UIMC1: variants seen among roughly 807,000 people sequenced by gnomAD.
UIMC1 encodes BRCA1-A complex subunit RAP80.
A neutral mutation model predicts 84.9 loss-of-function variants in UIMC1; 42 were observed. The ratio of observed to expected loss-of-function variants is 0.49; its 90% confidence interval spans 0.39 to 0.64. The LOEUF is 0.64. Among genes scored for constraint, UIMC1 ranks in the 30% least tolerant of loss-of-function variants. The probability of loss-of-function intolerance (pLI) is 0.00; values close to 1 mark genes in which losing one functional copy is unlikely to be tolerated. For synonymous variants in UIMC1, 281 were observed against 293.0 expected (o/e 0.96, Z 0.42); for missense variants, 825 against 847.6 (o/e 0.97, Z 0.33).
intron 1 of UIMC1, among the ~76,000 whole-genome samples, chr5:177,019,461 C>T (rs1382698963): frequency 6.6e-6 from 1 of 151,284 alleles, no homozygotes; most frequent in African/African-American, 2.4e-5. Flanking sequence ...TATAGGGAAA[C>T]CCTGTCTCTA....
Position 176,913,714 on chromosome 5 carries a change from C to T in UIMC1, c.1598-2325G>A, listed in dbSNP as rs1317304707. Among the ~76,000 whole-genome samples the T allele has an allele frequency of 3.3e-5, 5 of 152,350 alleles. No individual in the cohort carries two copies. The South Asian group carries it at 8.3e-4, about 25-fold the overall frequency. Reference sequence around the variant, plus strand: ...TGTTATCACTGGGTGCAGCGGCTCACGCCTGTAATCCCAACACTTTAGGAG... The same window carrying T: ...TGTTATCACTGGGTGCAGCGGCTCATGCCTGTAATCCCAACACTTTAGGAG... On this transcript the variant is annotated intron_variant, in intron 10 of 14. Coordinates refer to ENST00000511320, the MANE Select transcript of UIMC1 (RefSeq NM_001199298.2).
intron 10 of UIMC1, among the ~76,000 whole-genome samples, chr5:176,923,801 T>C (rs1480045965): frequency 3.4e-4 from 48 of 143,050 alleles, no homozygotes; most frequent in African/African-American, 1.2e-3. Context: ...GAGACAGAGG[T>C]TGCAGTGAGC....
upstream of UIMC1, among the ~76,000 whole-genome samples, chr5:177,009,180 G>A (rs374601118): frequency 7.3e-5 from 11 of 151,458 alleles, no homozygotes; most frequent in East Asian, 1.9e-4. This position sits in a 1 kb window ranked among gnomAD's most constrained non-coding sequence, Gnocchi z 4.3. Context: ...CTATTTTTTC[G>A]TTGTTTTTTT....
chr5:177,003,461 T>C (rs1316973958), intron 1 of UIMC1, among the ~76,000 whole-genome samples: 2 of 152,152 alleles, frequency 1.3e-5, no homozygotes, highest in African/African-American at 2.4e-5. Flanking sequence ...AAGACCAGCC[T>C]GACCAACAGG....
chr5:176,930,026 G>A (rs1288253698), intron 10 of UIMC1, among the ~76,000 whole-genome samples: 2 of 152,184 alleles, frequency 1.3e-5, no homozygotes, highest in African/African-American at 4.8e-5. Context: ...AAACGTAATG[G>A]ATGACAGTGG....
chr5:176,981,436 G>A (rs948198928), intron 2 of UIMC1, among the ~76,000 whole-genome samples: 4 of 152,010 alleles, frequency 2.6e-5, no homozygotes, highest in Non-Finnish European at 5.9e-5. Flanking sequence ...GAGCTGCCGT[G>A]CCCGGCCAAG....
chr5:177,005,929 G>A (rs1775194127), intron 1 of UIMC1, among the ~76,000 whole-genome samples: 1 of 152,224 alleles, frequency 6.6e-6, no homozygotes, highest in Admixed American at 6.5e-5. Context: ...CTGCGGCGCT[G>A]CCTAAGCACC....
intron 10 of UIMC1, among the ~76,000 whole-genome samples, chr5:176,916,137 T>C (rs1323537245): frequency 6.6e-6 from 1 of 152,260 alleles, no homozygotes; most frequent in Non-Finnish European, 1.5e-5. Context: ...GGAGTACTTG[T>C]GGTTTATGAG....
intron 10 of UIMC1, among the ~76,000 whole-genome samples, chr5:176,917,597 AAAC>A (rs1425850493): frequency 6.6e-6 from 1 of 152,176 alleles, no homozygotes; most frequent in African/African-American, 2.4e-5. Flanking sequence ...AAAAACAAAA[AAAC>A]AAATTATCTA....
intron 7 of UIMC1, 121 bp downstream of exon 7, chr5:176,957,972 A>T: frequency 1.3e-6 from 1 of 773,926 alleles, no homozygotes; most frequent in Non-Finnish European, 2.0e-6. Context: ...CCTAGTCTTC[A>T]CTTATAAAAG....
At chr5:177,005,700 G>A (rs1314777492) in intron 1 of UIMC1, among the ~76,000 whole-genome samples, 2 of 151,594 alleles carry the variant, frequency 1.3e-5, no homozygotes, top group African/African-American at 2.4e-5. Context: ...CGACTACAAG[G>A]CACTGCCTCC....
intron 3 of UIMC1, among the ~76,000 whole-genome samples, chr5:176,972,217 G>A (rs1037098484): frequency 4.0e-5 from 6 of 150,210 alleles, no homozygotes; most frequent in East Asian, 2.0e-4. Context: ...TGGCTAACAC[G>A]GTGAAACCCC....
chr5:176,911,024 G>A (rs1308619998), intron 11 of UIMC1, among the ~76,000 whole-genome samples: 1 of 151,758 alleles, frequency 6.6e-6, no homozygotes, highest in African/African-American at 2.4e-5. Flanking sequence ...AGGAGGCGGA[G>A]GTTATGGTGA....
chr5:176,986,778 T>A (rs1772090227), intron 1 of UIMC1, among the ~76,000 whole-genome samples: 1 of 152,062 alleles, frequency 6.6e-6, no homozygotes, highest in Non-Finnish European at 1.5e-5. Flanking sequence ...AAACAATGTC[T>A]GCTTTAATCA....
At chr5:177,001,911 C>T (rs1403459910) in intron 1 of UIMC1, 3 of 145,204 alleles carry the variant, frequency 2.1e-5, no homozygotes, top group Non-Finnish European at 4.5e-5. Context: ...GATCACACCA[C>T]TGCACTCCAG....
chr5:176,926,277 G>A (rs1762377405), intron 10 of UIMC1, among the ~76,000 whole-genome samples: 1 of 151,828 alleles, frequency 6.6e-6, no homozygotes, highest in African/African-American at 2.4e-5. Flanking sequence ...TAATAGTATT[G>A]GCATTAATGT....
chr5:176,981,129 CTT>C (rs1334346777), intron 2 of UIMC1, among the ~76,000 whole-genome samples: 1 of 147,826 alleles, frequency 6.8e-6, no homozygotes, highest in African/African-American at 2.5e-5. Flanking sequence ...CTATAAGGAA[CTT>C]TTTGTTTTGT....
chr5:176,969,125 C>A lies in UIMC1; in HGVS notation c.630G>T (p.Glu210Asp). ...TGTCAAAAGATTTAACGTTCACATTCTCAAACACTGGCTGGCTTGACTGGT... is the reference window on the plus strand; with the variant it reads ...TGTCAAAAGATTTAACGTTCACATTATCAAACACTGGCTGGCTTGACTGGT... ...SWDQSSQPVF[E>D]NVNVKSFDRC... The change falls in exon 6 of 15, where the codon GAG becomes GAT. Residue 210 changes from glutamate to aspartate, a missense_variant. Glu to Asp is a conservative substitution (Grantham distance 45). Coordinates refer to ENST00000511320, the MANE Select transcript of UIMC1 (RefSeq NM_001199298.2). 1 of 1,614,222 alleles carries A rather than the reference C, an allele frequency of 6.2e-7. No homozygotes were observed.
chr5:176,946,469 G>A lies in UIMC1; in HGVS notation c.1444-2981C>T, dbSNP rs539434662. On this transcript the variant is annotated intron_variant, in intron 9 of 14. Transcript: ENST00000511320. Reference sequence around the variant, plus strand: ...GGAGGCTGCAGTGAGCCGAGATCCCGCCACTGCACTCCAGCCTGGGTGACA... The same window carrying A: ...GGAGGCTGCAGTGAGCCGAGATCCCACCACTGCACTCCAGCCTGGGTGACA... Among the ~76,000 whole-genome samples, 189 of 150,992 alleles carry A rather than the reference G, an allele frequency of 1.3e-3. 2 individuals are homozygous for A. Among genetic ancestry groups the A allele is most frequent in the Non-Finnish European group, 2.2e-3 (148 of 67,662 alleles).
Sources: gnomAD v4.1 joint callset for allele counts (sites outside exome capture counted in the v4.1 genomes callset) on GRCh38, gnomAD v4.1.1 for gene constraint, Gnocchi (gnomAD v3.1) non-coding constraint, MANE v1.5 for transcripts, NCBI Gene and HGNC (gene_info 2026-07-23, HGNC 2026-07-21) for gene names.